RPS6KC1: variants seen among roughly 807,000 people sequenced by gnomAD.
RPS6KC1 encodes the protein ribosomal protein S6 kinase C1.
RPS6KC1 carries 54 observed loss-of-function variants against 103.8 expected under a neutral mutation model. The observed-to-expected ratio is 0.52, with a 90% CI of 0.42 to 0.65. The LOEUF is 0.65. Ranked by LOEUF, RPS6KC1 falls within the 30% of genes least tolerant of loss-of-function variation. The probability of loss-of-function intolerance (pLI) is 0.00; values close to 1 mark genes in which losing one functional copy is unlikely to be tolerated. For synonymous variants in RPS6KC1, 439 were observed against 438.7 expected (o/e 1.00, Z -0.01); for missense variants, 1,151 against 1,253.8 (o/e 0.92, Z 1.24).
the RPS6KC1 span, among the ~76,000 whole-genome samples, chr1:213,496,403 CA>C: frequency 1.3e-5 from 2 of 151,964 alleles, no homozygotes; most frequent in African/African-American, 2.4e-5. Flanking sequence ...TAAACAAACA[CA>C]AAAACAAATG....
chr1:213,518,239 G>A, the RPS6KC1 span, among the ~76,000 whole-genome samples: 1 of 152,222 alleles, frequency 6.6e-6, no homozygotes, highest in African/African-American at 2.4e-5. Context: ...CCCAGAACGT[G>A]TGACTATGGT....
At chr1:213,729,933 C>T in the RPS6KC1 span, among the ~76,000 whole-genome samples, 26 of 152,266 alleles carry the variant, frequency 1.7e-4, no homozygotes, top group Admixed American at 3.3e-4. Context: ...CTACCCTCCA[C>T]CCTACAATAG....
At chr1:213,614,889 A>C in the RPS6KC1 span, among the ~76,000 whole-genome samples, 1 of 152,144 alleles carries the variant, frequency 6.6e-6, no homozygotes, top group Non-Finnish European at 1.5e-5. Context: ...TATTTTAGTT[A>C]ATTGAGACAC....
the RPS6KC1 span, among the ~76,000 whole-genome samples, chr1:213,669,690 G>A: frequency 2.6e-5 from 4 of 152,096 alleles, no homozygotes; most frequent in African/African-American, 9.7e-5. Flanking sequence ...ATAAAATGAG[G>A]TTTGCCCATC....
chr1:213,467,093 G>A, the RPS6KC1 span, among the ~76,000 whole-genome samples: 531 of 152,046 alleles, frequency 3.5e-3, 1 homozygote, highest in African/African-American at 0.012. Flanking sequence ...CCTATTGGCA[G>A]CAGAATTGAC....
chr1:213,508,780 T>C, the RPS6KC1 span, among the ~76,000 whole-genome samples: 1 of 152,206 alleles, frequency 6.6e-6, no homozygotes, highest in Non-Finnish European at 1.5e-5. Context: ...GTGTGTCTTT[T>C]GGGGGCTCAA....
chr1:213,384,814 G>A, the RPS6KC1 span, among the ~76,000 whole-genome samples: 3 of 152,174 alleles, frequency 2.0e-5, no homozygotes, highest in Admixed American at 2.0e-4. Context: ...TACCCCACAA[G>A]GTACATTTTT....
chr1:213,842,751 C>T, the RPS6KC1 span, among the ~76,000 whole-genome samples: 1 of 152,130 alleles, frequency 6.6e-6, no homozygotes, highest in South Asian at 2.1e-4. Flanking sequence ...ATCAAGTAGA[C>T]AAAATAACAA....
chr1:213,126,784 TA>T (rs1247464510), intron 5 of RPS6KC1, among the ~76,000 whole-genome samples: 1 of 152,182 alleles, frequency 6.6e-6, no homozygotes, highest in African/African-American at 2.4e-5. Flanking sequence ...CAGCCATGCT[TA>T]TTCATTTATA....
the RPS6KC1 span, among the ~76,000 whole-genome samples, chr1:213,728,946 TTG>T: frequency 0.048 from 4,034 of 83,448 alleles, 660 homozygotes; most frequent in African/African-American, 0.063. Flanking sequence ...GGTTTTTTTT[TTG>T]TTTTTTTTTT....
chr1:213,836,076 C>G, the RPS6KC1 span: 1 of 150,740 alleles, frequency 6.6e-6, no homozygotes, highest in African/African-American at 2.4e-5. Flanking sequence ...GGAGTCCAAA[C>G]AGAAAAAAGA....
the RPS6KC1 span, among the ~76,000 whole-genome samples, chr1:213,503,148 T>C: frequency 6.6e-6 from 1 of 152,160 alleles, no homozygotes; most frequent in Non-Finnish European, 1.5e-5. Context: ...TCTTCTACTT[T>C]ATTGTTGCAG....
the RPS6KC1 span, among the ~76,000 whole-genome samples, chr1:213,372,252 C>A: frequency 6.6e-6 from 1 of 152,200 alleles, no homozygotes; most frequent in African/African-American, 2.4e-5. Context: ...CTCCAGCCCA[C>A]CTTCTAACAG....
chr1:213,168,135 C>T (rs1421129063), intron 7 of RPS6KC1, among the ~76,000 whole-genome samples, 162 bp downstream of exon 7: 2 of 152,106 alleles, frequency 1.3e-5, no homozygotes. Flanking sequence ...TAGCAAACCA[C>T]CAAAAGTGGA....
At chr1:213,634,892 G>T in the RPS6KC1 span, among the ~76,000 whole-genome samples, 1 of 151,374 alleles carries the variant, frequency 6.6e-6, no homozygotes, top group Non-Finnish European at 1.5e-5. Flanking sequence ...TAATAAAGAA[G>T]AAAAGAGAGA....
At chr1:213,761,408 G>A in the RPS6KC1 span, among the ~76,000 whole-genome samples, 1 of 152,212 alleles carries the variant, frequency 6.6e-6, no homozygotes. Flanking sequence ...ATCAGAGCAG[G>A]AGGATATAGT....
chr1:213,617,751 A>G, the RPS6KC1 span, among the ~76,000 whole-genome samples: 35 of 152,208 alleles, frequency 2.3e-4, no homozygotes, highest in African/African-American at 7.9e-4. Flanking sequence ...GTGGCTGTTG[A>G]TTAGTGCCGA....
the RPS6KC1 span, among the ~76,000 whole-genome samples, chr1:213,635,286 T>C: frequency 6.6e-6 from 1 of 152,192 alleles, no homozygotes; most frequent in African/African-American, 2.4e-5. Flanking sequence ...GCCAGCATTA[T>C]CCTGTCACCA....
Position 213,240,718 on chromosome 1 carries a change from A to G in RPS6KC1, c.1242A>G (p.Ser414=). 2 of 1,611,274 alleles carry G rather than the reference A, an allele frequency of 1.2e-6. No homozygotes were observed. Among genetic ancestry groups the G allele is most frequent in the Non-Finnish European group, 1.7e-6 (2 of 1,178,646 alleles). Residue 414 remains serine (S), a synonymous_variant, in exon 11 of 15, where the codon TCA becomes TCG. Transcript: ENST00000366960. ...LQHAEGGKLW[S]YISKFLNRSP... Reference sequence around the variant, plus strand: ...TGTTCACAGGTGGCAAACTGTGGTCATATATCAGTAAATTTCTAAACAGAA... The same window carrying G: ...TGTTCACAGGTGGCAAACTGTGGTCGTATATCAGTAAATTTCTAAACAGAA...
Sources: allele counts gnomAD v4.1 joint callset (sites outside exome capture counted in the v4.1 genomes callset), GRCh38; gene constraint gnomAD v4.1.1; transcripts MANE v1.5; gene names NCBI Gene and HGNC (gene_info 2026-07-23, HGNC 2026-07-21).